The following SHISA9 variants were observed in gnomAD, a reference collection of about 807,000 sequenced individuals.
SHISA9 encodes protein shisa-9.
In SHISA9, 13 loss-of-function variants were observed where a neutral mutation model predicts 38.0. That is an observed-to-expected ratio of 0.34 (90% CI 0.22 to 0.54). SHISA9 has a LOEUF of 0.54. Ranked by LOEUF, SHISA9 falls within the 20% of genes least tolerant of loss-of-function variation. The pLI, the probability that SHISA9 is intolerant of heterozygous loss-of-function variation, is 0.91. For missense variants in SHISA9, 538 were observed against 575.8 expected (o/e 0.93, Z 0.67); for synonymous variants, 275 against 242.0 (o/e 1.14, Z -1.27).
At chr16:13,091,839 C>A (rs568608226) in intron 2 of SHISA9, among the ~76,000 whole-genome samples, 1 of 152,152 alleles carries the variant, frequency 6.6e-6, no homozygotes, top group African/African-American at 2.4e-5. Context: ...AGCTTTGTTC[C>A]GTTGCTCGCT....
the SHISA9 span, among the ~76,000 whole-genome samples, chr16:13,444,675 C>T: frequency 2.7e-4 from 41 of 152,188 alleles, no homozygotes; most frequent in Non-Finnish European, 4.7e-4. Flanking sequence ...GCAACAGCTG[C>T]ACCAGTGTTC....
chr16:12,934,754 C>T (rs2071506754), intron 2 of SHISA9, among the ~76,000 whole-genome samples: 1 of 152,208 alleles, frequency 6.6e-6, no homozygotes, highest in African/African-American at 2.4e-5. Context: ...CAATAATTTT[C>T]TTTCCTCTCC....
chr16:12,910,573 A>C, intron 1 of SHISA9: 1 of 985,456 alleles, frequency 1.0e-6, no homozygotes, highest in Non-Finnish European at 1.2e-6. Context: ...TCTCTTGTGA[A>C]ATTTTCAATA....
At chr16:12,939,399 T>A (rs145345503) in intron 2 of SHISA9, among the ~76,000 whole-genome samples, 13 of 152,326 alleles carry the variant, frequency 8.5e-5, no homozygotes, top group Middle Eastern at 3.4e-3. Flanking sequence ...GTAGTTTCTT[T>A]TGAATATCCC....
chr16:13,206,100 A>G (rs1225609822), intron 3 of SHISA9, among the ~76,000 whole-genome samples: 2 of 152,002 alleles, frequency 1.3e-5, no homozygotes, highest in Admixed American at 1.3e-4. Context: ...CTTTTCCAAC[A>G]TGGAGTCCTC....
intron 2 of SHISA9, among the ~76,000 whole-genome samples, chr16:12,965,286 G>A (rs1324105416): frequency 1.3e-5 from 2 of 152,140 alleles, no homozygotes; most frequent in African/African-American, 4.8e-5. Context: ...CTTTTAAGGT[G>A]TACAATTCAG....
chr16:13,549,695 G>C, the SHISA9 span, among the ~76,000 whole-genome samples: 1 of 152,054 alleles, frequency 6.6e-6, no homozygotes, highest in Non-Finnish European at 1.5e-5. Flanking sequence ...GTAGAAGTGG[G>C]GAGTATTTTA....
At chr16:13,327,710 G>A in the SHISA9 span, among the ~76,000 whole-genome samples, 2 of 152,124 alleles carry the variant, frequency 1.3e-5, no homozygotes, top group East Asian at 2.0e-4. Context: ...TGGCAGGAGT[G>A]CAGTGGCACG....
intron 2 of SHISA9, among the ~76,000 whole-genome samples, chr16:12,990,805 A>G (rs1235852253): frequency 1.3e-5 from 2 of 152,214 alleles, no homozygotes; most frequent in Admixed American, 6.5e-5. Flanking sequence ...GAGAAACCCC[A>G]TTCTTAGATA....
At chr16:12,946,136 A>G (rs2071685695) in intron 2 of SHISA9, among the ~76,000 whole-genome samples, 1 of 152,166 alleles carries the variant, frequency 6.6e-6, no homozygotes, top group East Asian at 1.9e-4. Flanking sequence ...GCTTTGTCAA[A>G]GACCAGATGG....
chr16:12,945,345 A>G (rs2071675054), intron 2 of SHISA9, among the ~76,000 whole-genome samples: 1 of 152,148 alleles, frequency 6.6e-6, no homozygotes, highest in Non-Finnish European at 1.5e-5. Flanking sequence ...GCCAATAGAC[A>G]TGCCTTTGAG....
chr16:13,453,981 A>G, the SHISA9 span, among the ~76,000 whole-genome samples: 3 of 152,284 alleles, frequency 2.0e-5, no homozygotes, highest in Non-Finnish European at 4.4e-5. Flanking sequence ...TCATACATCA[A>G]ATAATACCCT....
At chr16:13,522,396 G>A in the SHISA9 span, among the ~76,000 whole-genome samples, 3 of 151,872 alleles carry the variant, frequency 2.0e-5, no homozygotes, top group South Asian at 2.1e-4. Context: ...TTCCCCCATC[G>A]GCCCCTCCCC....
chr16:13,339,165 C>CTTTTT, the SHISA9 span, among the ~76,000 whole-genome samples: 2 of 132,828 alleles, frequency 1.5e-5, no homozygotes, highest in East Asian at 2.2e-4. Context: ...CTTATTGTGA[C>CTTTTT]TTTTTTTTTT....
At chr16:13,197,515 G>A (rs1381625773) in intron 2 of SHISA9, 1 of 152,006 alleles carries the variant, frequency 6.6e-6, no homozygotes, top group Non-Finnish European at 1.5e-5. Flanking sequence ...AGTTACCTTG[G>A]CGCAAGTCTG....
At chr16:13,473,263 T>G in the SHISA9 span, among the ~76,000 whole-genome samples, 1 of 152,154 alleles carries the variant, frequency 6.6e-6, no homozygotes, top group Non-Finnish European at 1.5e-5. Context: ...GATACTTCTC[T>G]TTAAAGTAAT....
In SHISA9 at chr16:12,918,223, G is replaced by A. The variant is rs1296337589; in HGVS notation, c.691+1408G>A. 3.9e-5 allele frequency among the ~76,000 whole-genome samples: 6 copies of A among 152,148 alleles called. No individual in the cohort carries two copies. The South Asian group carries it at 1.2e-3, about 32-fold the overall frequency. ...AGATATGGTAAATGGCATCAATTCT[G>A]ACACGGCAGTTGCTGTGTCCGATTC... is the stretch of plus-strand genomic sequence containing the variant. On this transcript the variant is annotated intron_variant, in intron 2 of 4. Transcript: ENST00000558583.
chr16:13,246,110 G>A, the SHISA9 span, among the ~76,000 whole-genome samples: 5 of 152,096 alleles, frequency 3.3e-5, no homozygotes, highest in South Asian at 6.2e-4. Flanking sequence ...ACCAAAATAA[G>A]TCTGATATGG....
At chr16:13,502,357 G>A in the SHISA9 span, among the ~76,000 whole-genome samples, 30 of 152,110 alleles carry the variant, frequency 2.0e-4, no homozygotes, top group African/African-American at 5.8e-4. Context: ...AAATGTCCAC[G>A]TGCCAGACGT....
Sources: gnomAD v4.1 joint callset for allele counts (sites outside exome capture counted in the v4.1 genomes callset) on GRCh38, gnomAD v4.1.1 for gene constraint, MANE v1.5 for transcripts, NCBI Gene and HGNC (gene_info 2026-07-23, HGNC 2026-07-21) for gene names.